FRMD6: variants seen among roughly 807,000 people sequenced by gnomAD.
FRMD6 encodes the protein FERM domain-containing protein 6.
In FRMD6, 37 loss-of-function variants were observed where a neutral mutation model predicts 73.2. That is an observed-to-expected ratio of 0.51 (90% CI 0.39 to 0.66). The LOEUF (loss-of-function observed/expected upper bound fraction) is 0.66. FRMD6 is among the 30% of genes least tolerant of loss of function. FRMD6 has a pLI of 0.00. For synonymous variants in FRMD6, 273 were observed against 282.2 expected, an observed-to-expected ratio of 0.97 and a Z score of 0.33; for missense variants, 714 against 780.5, an observed-to-expected ratio of 0.91 and a Z score of 1.02.
chr14:51,491,485 C>T (rs996356635), intron 1 of FRMD6: 2 of 152,254 alleles, frequency 1.3e-5, no homozygotes, highest in Admixed American at 6.5e-5. Context: ...AAATCAGCAG[C>T]AATATCAGTA....
chr14:51,631,059 C>A (rs1594627409), intron 2 of FRMD6, among the ~76,000 whole-genome samples: 1 of 152,192 alleles, frequency 6.6e-6, no homozygotes, highest in East Asian at 1.9e-4. Context: ...ATTGCTCATT[C>A]TGAGTACTTG....
chr14:51,566,971 A>G (rs1887807983), intron 1 of FRMD6, among the ~76,000 whole-genome samples: 1 of 152,136 alleles, frequency 6.6e-6, no homozygotes, highest in Non-Finnish European at 1.5e-5. Flanking sequence ...GGCATTGAAA[A>G]CTCAAATGCC....
intron 1 of FRMD6, among the ~76,000 whole-genome samples, chr14:51,566,078 TGG>T (rs1887756219): frequency 6.6e-6 from 1 of 152,080 alleles, no homozygotes; most frequent in Non-Finnish European, 1.5e-5. Flanking sequence ...GGCAGGAGAA[TGG>T]CATGAACCCA....
At chr14:51,680,472 T>C (rs1218706485) in intron 1 of FRMD6, among the ~76,000 whole-genome samples, 1 of 152,198 alleles carries the variant, frequency 6.6e-6, no homozygotes, top group Non-Finnish European at 1.5e-5. Flanking sequence ...TGAAAGAGTA[T>C]AAACTGTCTA....
rs187090287 is a variant in FRMD6, at chr14:51,583,261, C to T, written c.-147+12851C>T. Among the ~76,000 whole-genome samples, 160 of 152,246 alleles carry T rather than the reference C, an allele frequency of 1.1e-3. 1 individual carries two copies. The highest frequency in any genetic ancestry group is 3.5e-3 in the African/African-American group (144 of 41,532). On this transcript the variant is annotated intron_variant, in intron 2 of 14. Coordinates refer to the FRMD6 transcript ENST00000356218. ...TAAAATGGTTTAAAGTTGCAGTGCA[C>T]CAGGTAAGGCCTCCCTTACTGTCTT...
At chr14:51,418,052 C>T in the FRMD6 span, among the ~76,000 whole-genome samples, 1 of 152,260 alleles carries the variant, frequency 6.6e-6, no homozygotes, top group African/African-American at 2.4e-5. Context: ...AGCCATTCAT[C>T]TAATCTTTTT....
intron 1 of FRMD6, among the ~76,000 whole-genome samples, chr14:51,687,088 T>C (rs1566564535): frequency 2.0e-5 from 3 of 152,308 alleles, no homozygotes; most frequent in African/African-American, 7.2e-5. Flanking sequence ...AGTCATCTTC[T>C]GTGCTGCATA....
intron 2 of FRMD6, among the ~76,000 whole-genome samples, chr14:51,644,219 A>T (rs886595424): frequency 3.9e-5 from 6 of 152,198 alleles, no homozygotes; most frequent in African/African-American, 1.4e-4. Flanking sequence ...GTCCCATTCA[A>T]ATCAACCAAG....
intron 1 of FRMD6, among the ~76,000 whole-genome samples, chr14:51,673,474 C>T (rs1894167812): frequency 6.6e-6 from 1 of 152,096 alleles, no homozygotes; most frequent in African/African-American, 2.4e-5. Flanking sequence ...GATTCCTTTC[C>T]TCACTGTGGA....
the FRMD6 span, among the ~76,000 whole-genome samples, chr14:51,481,734 C>T: frequency 1.3e-5 from 2 of 152,174 alleles, no homozygotes; most frequent in African/African-American, 2.4e-5. Flanking sequence ...GTTGGAACAT[C>T]ATGTGTGGAC....
chr14:51,509,924 C>T (rs1437217763), intron 1 of FRMD6, among the ~76,000 whole-genome samples: 1 of 152,180 alleles, frequency 6.6e-6, no homozygotes, highest in Non-Finnish European at 1.5e-5. Flanking sequence ...CTGCCCTGCG[C>T]GTACGTGTAT....
intron 1 of FRMD6, among the ~76,000 whole-genome samples, chr14:51,678,103 A>G (rs1894518937): frequency 6.6e-6 from 1 of 152,144 alleles, no homozygotes; most frequent in Admixed American, 6.6e-5. Context: ...AGTGCTTACC[A>G]TATGCCTTAT....
chr14:51,721,731 G>A (rs1897600075), intron 11 of FRMD6, among the ~76,000 whole-genome samples: 1 of 121,358 alleles, frequency 8.2e-6, no homozygotes, highest in Admixed American at 8.4e-5. Flanking sequence ...AGGGAGGAAG[G>A]GAGGGAGGAA....
intron 1 of FRMD6, among the ~76,000 whole-genome samples, chr14:51,654,786 G>A (rs1467911238): frequency 1.3e-5 from 2 of 152,232 alleles, no homozygotes; most frequent in Middle Eastern, 3.4e-3. Context: ...AGTTTTCTGA[G>A]TTGAGAATGA....
chr14:51,455,662 C>T, the FRMD6 span, among the ~76,000 whole-genome samples: 1 of 152,082 alleles, frequency 6.6e-6, no homozygotes, highest in Admixed American at 6.6e-5. Context: ...GGTCCAAGAG[C>T]AGGAGAACAC....
At chr14:51,557,273 C>T (rs1356831814) in intron 1 of FRMD6, among the ~76,000 whole-genome samples, 2 of 148,806 alleles carry the variant, frequency 1.3e-5, no homozygotes, top group Non-Finnish European at 3.0e-5. Flanking sequence ...TATATACACA[C>T]ATACATACAT....
chr14:51,400,827 C>T, the FRMD6 span, among the ~76,000 whole-genome samples: 3 of 152,152 alleles, frequency 2.0e-5, no homozygotes, highest in South Asian at 2.1e-4. Flanking sequence ...TATGGCTAAT[C>T]CAGAGGGCTA....
chr14:51,673,638 A>G (rs1023845051), intron 1 of FRMD6, among the ~76,000 whole-genome samples: 65 of 152,336 alleles, frequency 4.3e-4, no homozygotes, highest in African/African-American at 1.6e-3. Flanking sequence ...TTTGATGGCC[A>G]AGAACTGAAA....
intron 2 of FRMD6, among the ~76,000 whole-genome samples, chr14:51,619,936 G>A (rs902751590): frequency 4.6e-5 from 7 of 152,196 alleles, no homozygotes; most frequent in Admixed American, 6.5e-5. Flanking sequence ...AGAAGGCAAC[G>A]GGGTAATTCC....
Sources: gnomAD v4.1 joint callset for allele counts (sites outside exome capture counted in the v4.1 genomes callset) on GRCh38, gnomAD v4.1.1 for gene constraint, MANE v1.5 for transcripts, NCBI Gene and HGNC (gene_info 2026-07-23, HGNC 2026-07-21) for gene names.